Variants in KCNH1 observed in about 807,000 individuals in gnomAD.
KCNH1 encodes the protein voltage-gated delayed rectifier potassium channel KCNH1.
Under a neutral mutation model 69.2 loss-of-function variants are expected in KCNH1, and 27 were observed. The observed-to-expected ratio is 0.39, with a 90% CI of 0.29 to 0.54. KCNH1 has a LOEUF of 0.54. KCNH1 is among the 20% of genes least tolerant of loss of function. The probability of loss-of-function intolerance (pLI) is 0.68; values close to 1 mark genes in which losing one functional copy is unlikely to be tolerated. For synonymous variants in KCNH1, 456 were observed against 487.7 expected, an observed-to-expected ratio of 0.93 and a Z score of 0.86; for missense variants, 798 against 1,261.6, an observed-to-expected ratio of 0.63 and a Z score of 5.57.
chr1:210,803,952 C>T lies in KCNH1; in HGVS notation c.1662+15G>A, dbSNP rs780372306. 1.2e-6 allele frequency: 2 copies of T among 1,611,028 alleles called. No individual in the cohort carries two copies. Among genetic ancestry groups the T allele is most frequent in the Non-Finnish European group, 1.7e-6 (2 of 1,177,846 alleles). ...AAAAGACAAATGGTTTCCCTGAGCT[C>T]CTCATCCTCCTTACCTTCTCTGTGT... On this transcript the variant is annotated intron_variant, in intron 8 of 10. Transcript: ENST00000271751.
chr1:210,716,295 G>A (rs1682245093), intron 10 of KCNH1, among the ~76,000 whole-genome samples: 2 of 152,004 alleles, frequency 1.3e-5, no homozygotes, highest in Admixed American at 6.5e-5. Flanking sequence ...AGCTGAGCAT[G>A]GTGGTGGGCA....
chr1:210,782,879 T>G (rs1684015352), intron 9 of KCNH1, among the ~76,000 whole-genome samples: 1 of 152,226 alleles, frequency 6.6e-6, no homozygotes, highest in Non-Finnish European at 1.5e-5. Flanking sequence ...CACCTTGATC[T>G]TGGACTTCCC....
intron 10 of KCNH1, among the ~76,000 whole-genome samples, chr1:210,700,700 G>A (rs1247797586): frequency 1.3e-5 from 2 of 152,128 alleles, no homozygotes; most frequent in Non-Finnish European, 2.9e-5. Context: ...ATTCTGCCAC[G>A]ATAGCACAAA....
At chr1:210,816,762 T>G (rs756534700) in intron 7 of KCNH1, among the ~76,000 whole-genome samples, 2 of 152,246 alleles carry the variant, frequency 1.3e-5, no homozygotes, top group African/African-American at 4.8e-5. Flanking sequence ...TAAACAAGCA[T>G]GTTAATCTTA....
At chr1:210,967,872 T>C (rs1459367426) in intron 6 of KCNH1, among the ~76,000 whole-genome samples, 1 of 138,802 alleles carries the variant, frequency 7.2e-6, no homozygotes, top group Non-Finnish European at 1.6e-5. Context: ...TTTTTTTCTT[T>C]TTTTTTTATT....
At chr1:210,927,494 T>C (rs1486289323) in intron 6 of KCNH1, among the ~76,000 whole-genome samples, 1 of 152,188 alleles carries the variant, frequency 6.6e-6, no homozygotes, top group Admixed American at 6.5e-5. Context: ...TGCAATCTTT[T>C]CCAGACAAAC....
chr1:210,899,379 G>A (rs547723262), intron 7 of KCNH1, among the ~76,000 whole-genome samples: 128 of 151,958 alleles, frequency 8.4e-4, no homozygotes, highest in African/African-American at 3.0e-3. Flanking sequence ...AAAATATGCC[G>A]ATAGTCAACA....
chr1:210,856,295 A>G (rs1344697865), intron 7 of KCNH1, among the ~76,000 whole-genome samples: 1 of 152,196 alleles, frequency 6.6e-6, no homozygotes, highest in Non-Finnish European at 1.5e-5. Context: ...TCCCACTCAC[A>G]TAATGCCAAA....
At chr1:210,799,041 C>G (rs1265815406) in intron 8 of KCNH1, among the ~76,000 whole-genome samples, 2 of 151,568 alleles carry the variant, frequency 1.3e-5, no homozygotes, top group African/African-American at 4.9e-5. Context: ...GAGTTACCAT[C>G]TAATGGGAAG....
intron 7 of KCNH1, among the ~76,000 whole-genome samples, chr1:210,868,432 T>TG (rs1306778199): frequency 6.6e-6 from 1 of 151,626 alleles, no homozygotes; most frequent in Non-Finnish European, 1.5e-5. Context: ...GTATAATTTT[T>TG]TCTTTTATGT....
At chr1:210,965,339 T>C (rs1202240185) in intron 6 of KCNH1, among the ~76,000 whole-genome samples, 1 of 152,136 alleles carries the variant, frequency 6.6e-6, no homozygotes, top group Non-Finnish European at 1.5e-5. Context: ...CATGATTGTA[T>C]ATTTAAAAAA....
At chr1:211,036,912 CCCTAAT>C (rs1468218174) in intron 5 of KCNH1, among the ~76,000 whole-genome samples, 1 of 152,168 alleles carries the variant, frequency 6.6e-6, no homozygotes, top group Non-Finnish European at 1.5e-5. Flanking sequence ...TCCACACTCT[CCCTAAT>C]CCTCTCCTGC....
At chr1:210,936,899 C>T (rs936478455) in intron 6 of KCNH1, among the ~76,000 whole-genome samples, 4 of 152,140 alleles carry the variant, frequency 2.6e-5, no homozygotes, top group African/African-American at 9.7e-5. Context: ...CTCTTTTTCC[C>T]TTATCCCCAT....
chr1:211,055,773 G>C (rs1222716614), intron 5 of KCNH1, among the ~76,000 whole-genome samples: 1 of 152,186 alleles, frequency 6.6e-6, no homozygotes, highest in Non-Finnish European at 1.5e-5. Context: ...CCCATTCTGG[G>C]CTCTAGCTCA....
intron 9 of KCNH1, among the ~76,000 whole-genome samples, chr1:210,790,676 A>G (rs1372958830): frequency 1.3e-5 from 2 of 152,194 alleles, no homozygotes; most frequent in Non-Finnish European, 2.9e-5. Context: ...GTGGTGTTGT[A>G]TTTGGCAGCC....
In KCNH1 at chr1:210,846,227, T is replaced by A. The variant is rs575708398; in HGVS notation, c.1463-42061A>T. The stretch of plus-strand genomic sequence containing the variant: ...CTTTCTTCACAGAATTGGAAAAAAC[T>A]ACTTTAAAGTTGATATGGAACCAAA... On this transcript the variant is annotated intron_variant, in intron 7 of 10. Transcript: ENST00000271751. 2.0e-4 allele frequency among the ~76,000 whole-genome samples: 31 copies of A among 152,280 alleles called. 1 individual carries two copies. The South Asian group carries it at 6.0e-3, about 30-fold the overall frequency.
chr1:211,112,309 C>G (rs1333935421), intron 1 of KCNH1, among the ~76,000 whole-genome samples: 1 of 141,802 alleles, frequency 7.1e-6, no homozygotes, highest in African/African-American at 2.6e-5. Flanking sequence ...CCCCTCCACC[C>G]CTCCCCCGGG....
intron 9 of KCNH1, among the ~76,000 whole-genome samples, chr1:210,781,312 G>T (rs1402451290): frequency 2.0e-5 from 3 of 152,110 alleles, no homozygotes; most frequent in Non-Finnish European, 4.4e-5. Context: ...TCTCTGGGAG[G>T]CTGAGAGAGG....
At chr1:210,940,651 G>A (rs937820042) in intron 6 of KCNH1, among the ~76,000 whole-genome samples, 12 of 152,144 alleles carry the variant, frequency 7.9e-5, no homozygotes, top group South Asian at 4.1e-4. Context: ...AATAAACTGC[G>A]TATTCAGTTG....
Sources: allele counts gnomAD v4.1 joint callset (sites outside exome capture counted in the v4.1 genomes callset), GRCh38; gene constraint gnomAD v4.1.1; transcripts MANE v1.5; gene names NCBI Gene and HGNC (gene_info 2026-07-23, HGNC 2026-07-21).